CHRDL1: variants seen among roughly 807,000 people sequenced by gnomAD.
The protein encoded by CHRDL1 is chordin-like protein 1.
A neutral mutation model predicts 40.9 loss-of-function variants in CHRDL1; 19 were observed. That is an observed-to-expected ratio of 0.46 (90% CI 0.32 to 0.68). The LOEUF (loss-of-function observed/expected upper bound fraction) is 0.68, where lower values mean the gene tolerates loss of function less well. CHRDL1 is among the 30% of genes least tolerant of loss of function. The pLI is 0.03. For missense variants in CHRDL1, 329 were observed against 352.1 expected (o/e 0.93, Z 0.53); for synonymous variants, 136 against 123.4 (o/e 1.10, Z -0.68).
intron 4 of CHRDL1, among the ~76,000 whole-genome samples, chrX:110,736,641 T>A (rs746097713): frequency 1.8e-4 from 20 of 111,486 alleles, no homozygotes; most frequent in Non-Finnish European, 3.0e-4. Flanking sequence ...GTGGGAGTGG[T>A]TTCAAACTCC....
At chrX:110,722,122 C>T (rs1184266242) in intron 4 of CHRDL1, among the ~76,000 whole-genome samples, 3 of 110,650 alleles carry the variant, frequency 2.7e-5, no homozygotes, top group African/African-American at 9.9e-5. Context: ...CTCAGCCTCC[C>T]AAGTAGCTGG....
chrX:110,680,150 A>T (rs1278198002), intron 10 of CHRDL1, among the ~76,000 whole-genome samples: 1 of 111,453 alleles, frequency 9.0e-6, no homozygotes, highest in Non-Finnish European at 1.9e-5. Flanking sequence ...GACCTTGATA[A>T]CCCAGAACTG....
chrX:110,740,953 G>A (rs1024107468), intron 4 of CHRDL1, among the ~76,000 whole-genome samples: 3 of 112,346 alleles, frequency 2.7e-5, no homozygotes, highest in African/African-American at 9.7e-5. Flanking sequence ...AGTTGCTACA[G>A]CAGAGACTTC....
intron 4 of CHRDL1, among the ~76,000 whole-genome samples, chrX:110,740,653 G>T (rs974438865): frequency 8.9e-6 from 1 of 111,969 alleles, no homozygotes; most frequent in South Asian, 3.8e-4. Context: ...TGAGGAATGG[G>T]CTTTGATATT....
At chrX:110,765,570 T>C (rs779244288) in intron 2 of CHRDL1, among the ~76,000 whole-genome samples, 2 of 112,166 alleles carry the variant, frequency 1.8e-5, no homozygotes, top group South Asian at 3.8e-4. Context: ...CCCACATTTA[T>C]GTTTTTGTTT....
chrX:110,780,599 T>C (rs866371082), intron 2 of CHRDL1, among the ~76,000 whole-genome samples: 2 of 111,602 alleles, frequency 1.8e-5, no homozygotes, highest in Middle Eastern at 4.7e-3. Flanking sequence ...GGTATTTTCT[T>C]AATGCAAAAT....
rs1180574490 is a variant in CHRDL1, at chrX:110,721,459, G to A, written c.373C>T (p.His125Tyr). The A allele has an allele frequency of 1.2e-5, 15 of 1,205,167 alleles. No homozygotes were observed. Among genetic ancestry groups the A allele is most frequent in the South Asian group, 1.8e-5 (1 of 56,707 alleles). Residue 125 changes from histidine (H) to tyrosine (Y), a missense_variant, in exon 5 of 12, where the codon CAT (histidine) becomes TAT (tyrosine). Coordinates refer to ENST00000372042, the MANE Select transcript of CHRDL1 (RefSeq NM_001143981.2). ...CCTTCAGCTACGAACAGCTCTCCAT[G>A]TTGGTAAGTTGTCCCATTGTACTCG... is the stretch of plus-strand genomic sequence containing the variant. The part of the protein sequence containing the change: ...SCEYNGTTYQ[H>Y]GELFVAEGLF...
rs775232050 is a variant in CHRDL1 at position 110,689,468 on chromosome X, C to A, written c.779-665G>T. On this transcript the variant is annotated intron_variant, in intron 8 of 11. Coordinates refer to ENST00000372042, the MANE Select transcript of CHRDL1 (RefSeq NM_001143981.2). ...TATATATCTATATATCTATATATAT[C>A]TATATATCTATATATCTATATCTCT... is the stretch of plus-strand genomic sequence containing the variant. 8.4e-4 allele frequency among the ~76,000 whole-genome samples: 41 copies of A among 49,000 alleles called. 3 individuals are homozygous for A. In the African/African-American group the frequency reaches 0.011, roughly 13 times the overall value. The allele number at this position is 49,000 out of a possible 115,157, so 42.6% of individuals were successfully genotyped here.
At chrX:110,786,406 T>C (rs995376307) in intron 2 of CHRDL1, among the ~76,000 whole-genome samples, 4 of 111,971 alleles carry the variant, frequency 3.6e-5, no homozygotes, top group African/African-American at 1.3e-4. Flanking sequence ...GCAATTACCT[T>C]GTGACAATAT....
intron 4 of CHRDL1, among the ~76,000 whole-genome samples, chrX:110,727,220 A>T (rs1239710423): frequency 8.9e-6 from 1 of 111,925 alleles, no homozygotes; most frequent in African/African-American, 3.2e-5. Context: ...GTTATTAGAA[A>T]CTGGAACCAC....
intron 4 of CHRDL1, among the ~76,000 whole-genome samples, chrX:110,737,173 A>G (rs980234584): frequency 1.8e-5 from 2 of 112,246 alleles, no homozygotes; most frequent in African/African-American, 6.5e-5. Flanking sequence ...TAGCTAATCA[A>G]AAGGAAGTAC....
intron 4 of CHRDL1, among the ~76,000 whole-genome samples, chrX:110,756,626 G>C (rs1175411875): frequency 9.0e-6 from 1 of 111,426 alleles, no homozygotes; most frequent in Non-Finnish European, 1.9e-5. Flanking sequence ...ACCTGGTTTA[G>C]AGCAAAGTGA....
intron 9 of CHRDL1, among the ~76,000 whole-genome samples, chrX:110,684,948 C>T (rs1350864398): frequency 2.7e-5 from 3 of 112,128 alleles, no homozygotes; most frequent in African/African-American, 9.7e-5. Context: ...CGTCTATCTC[C>T]ACAAACTTGA....
chrX:110,686,649 C>T (rs1234627652), intron 9 of CHRDL1, among the ~76,000 whole-genome samples: 8 of 109,967 alleles, frequency 7.3e-5, no homozygotes, highest in African/African-American at 2.0e-4. Flanking sequence ...CTCCATTGGC[C>T]GGATACAGTG....
chrX:110,765,401 C>T (rs2089641573), intron 2 of CHRDL1, among the ~76,000 whole-genome samples: 1 of 112,020 alleles, frequency 8.9e-6, no homozygotes, highest in African/African-American at 3.2e-5. Context: ...AAGGGTTTTT[C>T]CAATGTTATC....
chrX:110,694,316 G>T lies in CHRDL1; in HGVS notation c.625C>A (p.Arg209Ser). 1.7e-6 allele frequency: 2 copies of T among 1,204,811 alleles called. No homozygotes were observed. Among genetic ancestry groups the T allele is most frequent in the Non-Finnish European group, 2.2e-6 (2 of 891,888 alleles). Residue 209 changes from arginine (R) to serine (S), a missense_variant, in exon 8 of 12, where the codon CGC (arginine) becomes AGC (serine). Transcript: ENST00000372042. ...ANREARHSYHRSHYDPPPSRQ... is the reference protein window; with the variant it reads ...ANREARHSYHSSHYDPPPSRQ... Reference sequence around the variant, plus strand: ...CTTGGTGGAGGATCATAGTGAGAGCGGTGGTAAGAATGTCTCTGTAAAATA... The same window carrying T: ...CTTGGTGGAGGATCATAGTGAGAGCTGTGGTAAGAATGTCTCTGTAAAATA...
At chrX:110,702,550 C>T (rs1444171333) in intron 6 of CHRDL1, among the ~76,000 whole-genome samples, 4 of 111,578 alleles carry the variant, frequency 3.6e-5, no homozygotes, top group Non-Finnish European at 7.5e-5. Flanking sequence ...TCTAGGTTAC[C>T]TGGCTCCCAA....
chrX:110,782,333 A>G (rs1321532096), intron 2 of CHRDL1, among the ~76,000 whole-genome samples: 1 of 111,960 alleles, frequency 8.9e-6, no homozygotes, highest in Non-Finnish European at 1.9e-5. Context: ...AACTTGCCCA[A>G]GTTGACATGA....
rs1254220896 is a variant in CHRDL1, at chrX:110,708,532, G to T, written c.542-7811C>A. On this transcript the variant is annotated intron_variant, in intron 6 of 11. Transcript: ENST00000372042. ...AATGAAGTACTTTATTGTTTGGGCT[G>T]TCAATATAAGATCTTAGTATTTTTA... Among the ~76,000 whole-genome samples, 3 of 111,517 alleles carry T rather than the reference G, an allele frequency of 2.7e-5. No individual in the cohort carries two copies. The Admixed American group carries it at 2.9e-4, about 11-fold the overall frequency.
Sources: allele counts gnomAD v4.1 joint callset (sites outside exome capture counted in the v4.1 genomes callset), GRCh38; gene constraint gnomAD v4.1.1; transcripts MANE v1.5; gene names NCBI Gene and HGNC (gene_info 2026-07-23, HGNC 2026-07-21).